The following YIPF4 variants were observed in gnomAD, a reference collection of about 807,000 sequenced individuals.
YIPF4 encodes the protein Yip1 domain family member 4, also known as protein YIPF4.
YIPF4 carries 18 observed loss-of-function variants against 29.4 expected under a neutral mutation model. The ratio of observed to expected loss-of-function variants is 0.61; its 90% CI spans 0.42 to 0.91. YIPF4 has a LOEUF of 0.91. YIPF4 is among the 40% of genes least tolerant of loss of function. YIPF4 has a pLI of 0.00. For missense variants in YIPF4, 279 were observed against 282.7 expected (o/e 0.99, Z 0.09); for synonymous variants, 115 against 104.7 (o/e 1.10, Z -0.60).
At chr2:32,290,928 C>T (rs2030882602) in intron 2 of YIPF4, 1 of 164,572 alleles carries the variant, frequency 6.1e-6, no homozygotes, top group Non-Finnish European at 1.3e-5. Flanking sequence ...TTTAAAAAAG[C>T]AGGGCTCTTA....
Position 32,305,500 on chromosome 2 carries a change from GT to G in YIPF4, c.613del (p.Trp205GlyfsTer10). Reference sequence around the variant, plus strand: ...TCCTTTTTTTAAAGCTGTTTGGTGTGTTTTGGGCTGCCTACAGTGCTGCTTC... The same window carrying G: ...TCCTTTTTTTAAAGCTGTTTGGTGTGTTTGGGCTGCCTACAGTGCTGCTTC... ...VSTLIKLFGV[F>X]WAAYSAASLL... On this transcript the variant is annotated frameshift_variant, in exon 6 of 6. Transcript: ENST00000238831. LOFTEE classifies it high-confidence loss of function. 1 of 1,592,592 alleles carries G rather than the reference GT, an allele frequency of 6.3e-7. No individual in the cohort carries two copies. Among genetic ancestry groups the G allele is most frequent in the South Asian group, 1.2e-5 (1 of 86,454 alleles).
chr2:32,299,611 C>G (rs2031322583), intron 4 of YIPF4, among the ~76,000 whole-genome samples: 1 of 151,984 alleles, frequency 6.6e-6, no homozygotes, highest in African/African-American at 2.4e-5. Context: ...CACTTGCGCC[C>G]AGGAGTTCCA....
chr2:32,278,751 G>A (rs1181808021), intron 1 of YIPF4, among the ~76,000 whole-genome samples: 1 of 152,018 alleles, frequency 6.6e-6, no homozygotes, highest in African/African-American at 2.4e-5. Context: ...CGTTTTCCTC[G>A]CATTTTGTAA....
intron 1 of YIPF4, among the ~76,000 whole-genome samples, chr2:32,279,145 A>G (rs983367697): frequency 5.4e-5 from 8 of 149,322 alleles, no homozygotes; most frequent in Admixed American, 4.0e-4. Flanking sequence ...TTTTTTTTGT[A>G]TTTTTAGTAG....
chr2:32,292,796 C>T (rs1384843424), intron 3 of YIPF4, among the ~76,000 whole-genome samples: 2 of 148,222 alleles, frequency 1.3e-5, no homozygotes, highest in African/African-American at 2.5e-5. Context: ...CCCGGGAGGC[C>T]GAGGTTGCAG....
intron 4 of YIPF4, 40 bp downstream of exon 4, chr2:32,298,351 G>T: frequency 6.7e-7 from 1 of 1,498,610 alleles, no homozygotes; most frequent in Non-Finnish European, 9.2e-7. Flanking sequence ...CTTATTTATG[G>T]TGAGCTTAGT....
intron 1 of YIPF4, among the ~76,000 whole-genome samples, chr2:32,279,664 C>T (rs974098132): frequency 6.6e-6 from 1 of 151,424 alleles, no homozygotes; most frequent in Non-Finnish European, 1.5e-5. Context: ...CCGCCTCGGC[C>T]TCCCAAAGTG....
chr2:32,302,885 T>G (rs2031453214), intron 5 of YIPF4, among the ~76,000 whole-genome samples: 1 of 152,178 alleles, frequency 6.6e-6, no homozygotes, highest in Admixed American at 6.6e-5. Flanking sequence ...TATACGCTGA[T>G]ACTGATAATA....
rs372016530 is a variant in YIPF4, at chr2:32,280,120, A to AATAT, written c.79+1899_79+1902dup. ...AAGGTCTGTGCCACCGTGCCCAGCT[A>AATAT]ATATATATATATATATTTTTTTTTT... On this transcript the variant is annotated intron_variant, in intron 1 of 5. Transcript: ENST00000238831. 7.7e-3 allele frequency among the ~76,000 whole-genome samples: 931 copies of AATAT among 120,362 alleles called. 11 individuals carry two copies. The highest frequency in any genetic ancestry group is 0.025 in the African/African-American group (885 of 35,266). The allele number at this position is 120,362 out of a possible 152,430, so 79.0% of individuals were successfully genotyped here. A position where few individuals can be genotyped will look rare whatever the true frequency, so the allele number is the denominator to read the frequency against.
chr2:32,300,214 C>T (rs906894237), intron 4 of YIPF4, among the ~76,000 whole-genome samples: 3 of 152,150 alleles, frequency 2.0e-5, no homozygotes, highest in African/African-American at 7.2e-5. Flanking sequence ...TGTGGTGAGC[C>T]ATGATCGCAA....
intron 3 of YIPF4, among the ~76,000 whole-genome samples, chr2:32,297,087 G>A (rs1193987448): frequency 6.7e-6 from 1 of 148,666 alleles, no homozygotes; most frequent in African/African-American, 2.5e-5. Context: ...GGCTAATCTT[G>A]TATTTTGCCT....
chr2:32,287,663 A>G (rs1012311630), intron 1 of YIPF4, among the ~76,000 whole-genome samples: 1 of 152,228 alleles, frequency 6.6e-6, no homozygotes, highest in Non-Finnish European at 1.5e-5. Context: ...ATACCCAGTC[A>G]TACATTTGAG....
In YIPF4 at chr2:32,313,810, C is replaced by G. The variant is rs1226974121; in HGVS notation, c.*8184C>G. On this transcript the variant is annotated 3_prime_UTR_variant, in exon 6 of 6. Transcript: ENST00000238831. ...CTCTGCCTTCTGGGTTCAAGCGATT[C>G]TCCTGCCTCAGCCTCCCGAGTAGCT... The G allele has an allele frequency of 6.6e-6, 1 of 152,284 alleles. No homozygotes were observed. The allele number at this position is 152,284 out of a possible 1,614,324, so 9.4% of individuals were successfully genotyped here.
At chr2:32,290,872 A>T (rs2030880640) in intron 2 of YIPF4, 1 of 205,902 alleles carries the variant, frequency 4.9e-6, no homozygotes, top group African/African-American at 2.3e-5. Flanking sequence ...ATGTGTGTCT[A>T]CTCCAGCTTA....
chr2:32,313,489 T>C lies in YIPF4; in HGVS notation c.*7863T>C, dbSNP rs1056805893. The C allele has an allele frequency of 6.6e-6, 1 of 151,924 alleles. No individual in the cohort carries two copies. The highest frequency in any genetic ancestry group is 2.4e-5 in the African/African-American group (1 of 41,318). 9.4% of individuals were successfully genotyped at this position (151,924 alleles called of 1,614,324 possible). A position where few individuals can be genotyped will look rare whatever the true frequency, so the allele number is the denominator to read the frequency against. On this transcript the variant is annotated 3_prime_UTR_variant, in exon 6 of 6. Transcript: ENST00000238831. ...TTCAAGTGATTCTCCTGCCTCAGCC[T>C]CCCAAGTAGCTGGGATTACAGGTGC...
chr2:32,316,542 A>T lies in YIPF4; in HGVS notation c.*10916A>T, dbSNP rs975457554. On this transcript the variant is annotated 3_prime_UTR_variant, in exon 6 of 6. Coordinates refer to ENST00000238831, the MANE Select transcript of YIPF4 (RefSeq NM_032312.4). ...TTGAAATGCATCTGTGTCAATGGTA[A>T]ATAGTATTATTGTAAGTACAACACT... 1 of 152,198 alleles carries T rather than the reference A, an allele frequency of 6.6e-6. No homozygotes were observed. Among genetic ancestry groups the T allele is most frequent in the African/African-American group, 2.4e-5 (1 of 41,446 alleles). 9.4% of individuals were successfully genotyped at this position (152,198 alleles called of 1,614,324 possible). A position where few individuals can be genotyped will look rare whatever the true frequency, so the allele number is the denominator to read the frequency against.
chr2:32,282,247 G>T (rs961287988), intron 1 of YIPF4, among the ~76,000 whole-genome samples: 2 of 152,036 alleles, frequency 1.3e-5, no homozygotes, highest in African/African-American at 2.4e-5. Flanking sequence ...CCAGGGGAAC[G>T]TAGTGACACC....
At chr2:32,283,166 A>G (rs562561500) in intron 1 of YIPF4, among the ~76,000 whole-genome samples, 2 of 151,940 alleles carry the variant, frequency 1.3e-5, no homozygotes, top group African/African-American at 2.4e-5. Context: ...TAAGTGTTCA[A>G]CATATGTGAG....
Position 32,300,518 on chromosome 2 carries a change from A to G in YIPF4, c.484-864A>G, listed in dbSNP as rs114379420. On this transcript the variant is annotated intron_variant, in intron 4 of 5. Coordinates refer to ENST00000238831, the MANE Select transcript of YIPF4 (RefSeq NM_032312.4). ...TGAATGATATTAGAATATATGTTCA[A>G]TCGAGCATCTTAATAAAACTCTTGA... 6.9e-3 allele frequency among the ~76,000 whole-genome samples: 1,048 copies of G among 152,116 alleles called. 19 individuals carry two copies. Among genetic ancestry groups the G allele is most frequent in the African/African-American group, 0.025 (1,022 of 41,528 alleles).
Sources: gnomAD v4.1 joint callset for allele counts (sites outside exome capture counted in the v4.1 genomes callset) on GRCh38, gnomAD v4.1.1 for gene constraint, MANE v1.5 for transcripts, NCBI Gene and HGNC (gene_info 2026-07-23, HGNC 2026-07-21) for gene names.